Variants in TMEFF2 observed in about 807,000 individuals in gnomAD.
TMEFF2 encodes the protein transmembrane protein with EGF like and two follistatin like domains 2, also known as tomoregulin-2.
Under a neutral mutation model 53.8 loss-of-function variants are expected in TMEFF2, and 28 were observed. That is an observed-to-expected ratio of 0.52 (90% CI 0.39 to 0.71). The LOEUF is 0.71. Among genes scored for constraint, TMEFF2 ranks in the 30% least tolerant of loss-of-function variants. The pLI is 0.00. For missense variants in TMEFF2, 353 were observed against 455.2 expected (o/e 0.78, Z 2.04); for synonymous variants, 162 against 166.3 (o/e 0.97, Z 0.20).
chr2:192,096,668 CTCT>C lies in TMEFF2; in HGVS notation c.440-38896_440-38894del, dbSNP rs1559124576. On this transcript the variant is annotated intron_variant, in intron 4 of 9. Coordinates refer to ENST00000272771, the MANE Select transcript of TMEFF2 (RefSeq NM_016192.4). ...TCCTTCCTTCTCTCTCTCTCTCTCT[CTCT>C]TTTTTTTTTTTTTTTTTTTTTTGAG... 3.8e-3 allele frequency among the ~76,000 whole-genome samples: 175 copies of C among 45,876 alleles called. 6 individuals carry two copies. In the Admixed American group the frequency reaches 0.04, roughly 10 times the overall value. 30.1% of individuals were successfully genotyped at this position (45,876 alleles called of 152,430 possible). A position where few individuals can be genotyped will look rare whatever the true frequency, so the allele number is the denominator to read the frequency against.
intron 5 of TMEFF2, among the ~76,000 whole-genome samples, chr2:192,003,739 A>ACGCAAAAT (rs1420326876): frequency 6.6e-6 from 1 of 152,254 alleles, no homozygotes; most frequent in Non-Finnish European, 1.5e-5. Flanking sequence ...GCAAATACAC[A>ACGCAAAAT]TACACACAAA....
At position 191,997,516 on chromosome 2, in the gene TMEFF2, C is replaced by T. The variant is rs542167300; in HGVS notation, c.745+746G>A. ...CTTAATATCTAAATGAAAAGCTCTG[C>T]CTAAAAAACTTCACATATCATTATC... On this transcript the variant is annotated intron_variant, in intron 7 of 9. Coordinates refer to ENST00000272771, the MANE Select transcript of TMEFF2 (RefSeq NM_016192.4). 1.6e-3 allele frequency among the ~76,000 whole-genome samples: 238 copies of T among 151,390 alleles called. 2 individuals carry two copies. Among genetic ancestry groups the T allele is most frequent in the Non-Finnish European group, 2.6e-3 (176 of 67,662 alleles).
At chr2:192,011,764 A>G (rs1686631814) in intron 5 of TMEFF2, among the ~76,000 whole-genome samples, 2 of 152,260 alleles carry the variant, frequency 1.3e-5, no homozygotes, top group East Asian at 3.8e-4. Context: ...TATTATATAT[A>G]GTGTGTAAGA....
chr2:191,984,504 A>AAATGAGGG (rs1281654572), intron 7 of TMEFF2, among the ~76,000 whole-genome samples: 1 of 152,200 alleles, frequency 6.6e-6, no homozygotes, highest in Non-Finnish European at 1.5e-5. Flanking sequence ...GAAATCCCTG[A>AAATGAGGG]AATGAGGGAA....
At chr2:191,962,894 A>G (rs1348672969) in intron 7 of TMEFF2, among the ~76,000 whole-genome samples, 1 of 152,096 alleles carries the variant, frequency 6.6e-6, no homozygotes, top group African/African-American at 2.4e-5. Flanking sequence ...TTCTGTCTCT[A>G]ATGGTCCTTT....
chr2:192,075,189 G>A (rs1256569708), intron 4 of TMEFF2, among the ~76,000 whole-genome samples: 2 of 148,968 alleles, frequency 1.3e-5, no homozygotes, highest in Non-Finnish European at 3.0e-5. Context: ...TCTGTCCGAG[G>A]CTCTGGCTTC....
chr2:191,980,638 C>A (rs1685832388), intron 7 of TMEFF2, among the ~76,000 whole-genome samples: 1 of 152,176 alleles, frequency 6.6e-6, no homozygotes, highest in Non-Finnish European at 1.5e-5. Flanking sequence ...CTTGAATTCA[C>A]TGCCACCCCC....
chr2:192,032,920 G>A (rs1050376290), intron 5 of TMEFF2, among the ~76,000 whole-genome samples: 1 of 152,096 alleles, frequency 6.6e-6, no homozygotes, highest in African/African-American at 2.4e-5. Flanking sequence ...CAACAACAAA[G>A]TAACTTTCCT....
chr2:192,083,245 C>T (rs1247048940), intron 4 of TMEFF2, among the ~76,000 whole-genome samples: 1 of 152,014 alleles, frequency 6.6e-6, no homozygotes, highest in Admixed American at 6.5e-5. Context: ...TTCTTTTGTA[C>T]CCAGTTGTTA....
intron 5 of TMEFF2, among the ~76,000 whole-genome samples, chr2:192,042,682 G>A (rs905253324): frequency 1.3e-5 from 2 of 152,162 alleles, no homozygotes; most frequent in African/African-American, 4.8e-5. Context: ...TGCAACTTGG[G>A]GAATTTGAAA....
chr2:192,067,571 C>T (rs937457520), intron 4 of TMEFF2, among the ~76,000 whole-genome samples: 1 of 151,758 alleles, frequency 6.6e-6, no homozygotes, highest in African/African-American at 2.4e-5. Flanking sequence ...TTGTTGCTTG[C>T]CAACTTTGTA....
chr2:192,087,125 C>T (rs1053112215), intron 4 of TMEFF2, among the ~76,000 whole-genome samples: 6 of 151,398 alleles, frequency 4.0e-5, no homozygotes, highest in African/African-American at 1.5e-4. Flanking sequence ...TGGGAAGGAG[C>T]TCCAGGAAAA....
intron 4 of TMEFF2, among the ~76,000 whole-genome samples, chr2:192,108,287 T>G (rs1055715205): frequency 2.0e-5 from 3 of 151,880 alleles, no homozygotes; most frequent in Non-Finnish European, 4.4e-5. Context: ...ATGTTTCTGA[T>G]TCCCTAACAA....
At chr2:192,166,926 T>C (rs1336784444) in intron 4 of TMEFF2, among the ~76,000 whole-genome samples, 5 of 152,320 alleles carry the variant, frequency 3.3e-5, no homozygotes, top group Admixed American at 3.3e-4. Context: ...AAGAGTTTCC[T>C]GGGATACAAG....
intron 4 of TMEFF2, among the ~76,000 whole-genome samples, chr2:192,100,333 A>G (rs1270247323): frequency 6.6e-6 from 1 of 152,140 alleles, no homozygotes; most frequent in Admixed American, 6.6e-5. Context: ...CTGGGCTTTC[A>G]GGAAAGTTTG....
rs796364727 is a variant in TMEFF2, at chr2:192,184,595, G to T, written c.283-112C>A. The T allele has an allele frequency of 8.6e-5, 115 of 1,339,712 alleles. No homozygotes were observed. The South Asian group carries it at 1.4e-3, about 16-fold the overall frequency. The allele number at this position is 1,339,712 out of a possible 1,614,324, so 83.0% of individuals were successfully genotyped here. Reference sequence around the variant, plus strand: ...GAAACCACTTGTCTTCATTTTCAATGATTCTAATTGTGTCCAATAAGTCTT... The same window carrying T: ...GAAACCACTTGTCTTCATTTTCAATTATTCTAATTGTGTCCAATAAGTCTT... On this transcript the variant is annotated intron_variant, in intron 2 of 9. Transcript: ENST00000272771.
At chr2:191,998,932 C>T (rs1686288901) in intron 6 of TMEFF2, 128 bp downstream of exon 6, 1 of 916,450 alleles carries the variant, frequency 1.1e-6, no homozygotes, top group Admixed American at 2.3e-5. Context: ...GTAGACTCTA[C>T]TATCCATTGT....
chr2:192,075,300 T>TATATATATAA (rs1553518784), intron 4 of TMEFF2, among the ~76,000 whole-genome samples: 1 of 40,116 alleles, frequency 2.5e-5, no homozygotes, highest in Non-Finnish European at 5.8e-5. Context: ...TATATATATA[T>TATATATATAA]ATATATATAT....
chr2:192,075,332 T>TATATATATACAC lies in TMEFF2; in HGVS notation c.440-17558_440-17557insGTGTATATATAT, dbSNP rs796267672. ...ATATATATATATATATATATATATA[T>TATATATATACAC]ACATACATACTATGTATATCCTTGC... On this transcript the variant is annotated intron_variant, in intron 4 of 9. Coordinates refer to ENST00000272771, the MANE Select transcript of TMEFF2 (RefSeq NM_016192.4). Among the ~76,000 whole-genome samples the TATATATATACAC allele has an allele frequency of 2.4e-4, 21 of 88,146 alleles. 1 individual carries two copies. The highest frequency in any genetic ancestry group is 7.8e-4 in the African/African-American group (19 of 24,366). The allele number at this position is 88,146 out of a possible 152,430, so 57.8% of individuals were successfully genotyped here.
Sources: gnomAD v4.1 joint callset for allele counts (sites outside exome capture counted in the v4.1 genomes callset) on GRCh38, gnomAD v4.1.1 for gene constraint, MANE v1.5 for transcripts, NCBI Gene and HGNC (gene_info 2026-07-23, HGNC 2026-07-21) for gene names.